ZPBP2: variants seen among roughly 807,000 people sequenced by gnomAD.
The protein encoded by ZPBP2 is zona pellucida-binding protein 2.
ZPBP2 carries 34 observed loss-of-function variants against 37.5 expected under a neutral mutation model. The ratio of observed to expected loss-of-function variants is 0.91; its 90% CI spans 0.69 to 1.21. The LOEUF (loss-of-function observed/expected upper bound fraction) is 1.21. Ranked by LOEUF, ZPBP2 falls within the 50% of genes most tolerant of loss-of-function variation. The pLI is 0.00. For synonymous variants in ZPBP2, 143 were observed against 138.4 expected (o/e 1.03, Z -0.23); for missense variants, 397 against 413.5 (o/e 0.96, Z 0.35).
intron 6 of ZPBP2, among the ~76,000 whole-genome samples, chr17:39,873,858 G>T (rs1253532316): frequency 6.6e-6 from 1 of 151,798 alleles, no homozygotes; most frequent in Non-Finnish European, 1.5e-5. Context: ...CTGAGCTCAT[G>T]TCCTTAATTG....
rs1289847442 is a variant in ZPBP2 at position 39,871,513 on chromosome 17, T to C, written c.294T>C (p.Asp98=). 3 of 1,606,744 alleles carry C rather than the reference T, an allele frequency of 1.9e-6. No homozygotes were observed. The highest frequency in any genetic ancestry group is 3.4e-5 in the Admixed American group (2 of 59,068). ...ITETGQLMVK[D]FLEPLSGLYT... is the part of the protein sequence containing the mutation. ...AAACTGGACAGCTGATGGTGAAAGA[T>C]TTTTTGGAGCCTTTGTCTGGACTTT... Residue 98 remains aspartate, a synonymous_variant, in exon 4 of 8, where the codon GAT becomes GAC. Transcript: ENST00000348931.
Position 39,871,579 on chromosome 17 carries a change from T to A in ZPBP2, c.360T>A (p.Thr120=). The A allele has an allele frequency of 6.3e-7, 1 of 1,597,442 alleles. No homozygotes were observed. The highest frequency in any genetic ancestry group is 1.8e-5 in the Admixed American group (1 of 56,896). ...CTTATAAGACTGTTAAAGCAGAAAC[T>A]CAAGAAGAAAAAACAGTCAAAAAGA... The part of the protein sequence containing the change: ...TLSYKTVKAE[T]QEEKTVKKRY... Residue 120 remains threonine, a synonymous_variant, in exon 4 of 8, where the codon ACT becomes ACA. Transcript: ENST00000348931.
chr17:39,870,546 C>T (rs2063360033), intron 2 of ZPBP2, 148 bp from the exon 3 acceptor site: 4 of 412,432 alleles, frequency 9.7e-6, no homozygotes, highest in Non-Finnish European at 1.2e-5. Context: ...GGACTTCAGA[C>T]GAGCGTTCTA....
chr17:39,872,676 A>G (rs2063370943), intron 5 of ZPBP2, among the ~76,000 whole-genome samples, 188 bp downstream of exon 5: 1 of 152,214 alleles, frequency 6.6e-6, no homozygotes, highest in African/African-American at 2.4e-5. Flanking sequence ...TTACTTTCAA[A>G]TATGACATAT....
Position 39,876,799 on chromosome 17 carries a change from A to G in ZPBP2, c.1007A>G (p.Tyr336Cys). Residue 336 changes from tyrosine (Y) to cysteine (C), a missense_variant, in exon 8 of 8, where the codon TAT (tyrosine) becomes TGT (cysteine). Physicochemically the swap from Tyr to Cys is radical, Grantham distance 194. Transcript: ENST00000348931. The stretch of plus-strand genomic sequence containing the variant: ...CAAACTTCAAACAAAAATCAGCAAT[A>G]TGAAGATTAGAGGTGAAAGCATTGT... The part of the protein sequence containing the change: ...CPQTSNKNQQ[Y>C]ED The G allele has an allele frequency of 6.2e-7, 1 of 1,613,672 alleles. No individual in the cohort carries two copies. The highest frequency in any genetic ancestry group is 1.1e-5 in the South Asian group (1 of 91,068).
chr17:39,872,305 G>T lies in ZPBP2; in HGVS notation c.442G>T (p.Val148Leu), dbSNP rs1340915756. 1 of 1,609,238 alleles carries T rather than the reference G, an allele frequency of 6.2e-7. No homozygotes were observed. Among genetic ancestry groups the T allele is most frequent in the Admixed American group, 1.7e-5 (1 of 59,402 alleles). Residue 148 changes from valine to leucine, a missense_variant, in exon 5 of 8, where the codon GTA becomes TTA. Val to Leu is a conservative substitution (Grantham distance 32, BLOSUM62 1). Transcript: ENST00000348931. ...ACCTGATTATTCATATCAGATGGCT[G>T]TACGTTTTACCACAAGGTCTTGTAT... ...REPDYSYQMA[V>L]RFTTRSCIGR...
intron 3 of ZPBP2, among the ~76,000 whole-genome samples, 163 bp downstream of exon 3, chr17:39,870,982 C>G (rs920045426): frequency 1.3e-4 from 20 of 152,044 alleles, no homozygotes; most frequent in African/African-American, 4.6e-4. Context: ...TCCTTATTTT[C>G]TCCTTATGCA....
At chr17:39,873,949 T>G in intron 6 of ZPBP2, among the ~76,000 whole-genome samples, 1 of 151,442 alleles carries the variant, frequency 6.6e-6, no homozygotes, top group South Asian at 2.1e-4. Flanking sequence ...AAAATTTACA[T>G]CATCGGTTTA....
intron 7 of ZPBP2, among the ~76,000 whole-genome samples, chr17:39,876,297 C>CTA (rs1039715727): frequency 6.6e-6 from 1 of 152,034 alleles, no homozygotes; most frequent in African/African-American, 2.4e-5. Flanking sequence ...ATAAACATTT[C>CTA]TATAATGTTC....
At position 39,873,204 on chromosome 17, in the gene ZPBP2, A is replaced by T. The variant is rs2063373639; in HGVS notation, c.708+78A>T. 47 of 1,353,964 alleles carry T rather than the reference A, an allele frequency of 3.5e-5. No individual in the cohort carries two copies. In the South Asian group the frequency reaches 6.4e-4, roughly 18 times the overall value. 83.9% of individuals were successfully genotyped at this position (1,353,964 alleles called of 1,614,324 possible). ...CAGGGTGTCACCCAGGCTGGAGTGC[A>T]GTGGTGCGACCATAGCTCACTGCAG... On this transcript the variant is annotated intron_variant, in intron 6 of 7. Transcript: ENST00000348931.
chr17:39,869,489 C>T (rs1465202237), intron 2 of ZPBP2, among the ~76,000 whole-genome samples: 2 of 149,900 alleles, frequency 1.3e-5, no homozygotes, highest in Admixed American at 6.7e-5. Flanking sequence ...ACTGGAACCT[C>T]CGCCTCCTGG....
chr17:39,874,240 A>T (rs1429884908), intron 6 of ZPBP2, among the ~76,000 whole-genome samples: 1 of 152,024 alleles, frequency 6.6e-6, no homozygotes, highest in Non-Finnish European at 1.5e-5. Flanking sequence ...TCATCTGCAC[A>T]TATCTGCCTC....
Position 39,868,316 on chromosome 17 carries a change from C to A in ZPBP2, c.-39C>A. 1 of 1,600,930 alleles carries A rather than the reference C, an allele frequency of 6.2e-7. No homozygotes were observed. The highest frequency in any genetic ancestry group is 1.1e-5 in the South Asian group (1 of 90,630). On this transcript the variant is annotated 5_prime_UTR_variant, in exon 1 of 8. The change creates a new upstream start codon in the 5' untranslated region. Transcript: ENST00000348931. The stretch of plus-strand genomic sequence containing the variant: ...GGCCAGGGCTGAGGTAGGAGGGAGT[C>A]TGTCCCTCGACGCCTCCTGCGACGC...
intron 2 of ZPBP2, 54 bp from the exon 3 acceptor site, chr17:39,870,640 C>A: frequency 9.2e-7 from 1 of 1,090,776 alleles, no homozygotes; most frequent in Non-Finnish European, 1.2e-6. Flanking sequence ...GAGTATATTT[C>A]TTAATTTAAT....
At chr17:39,876,645 T>C in intron 7 of ZPBP2, 37 bp from the exon 8 acceptor site, 6 of 1,608,858 alleles carry the variant, frequency 3.7e-6, no homozygotes, top group Non-Finnish European at 5.1e-6. Flanking sequence ...ATAAAATATC[T>C]CTAAATTATA....
chr17:39,875,459 A>G, intron 7 of ZPBP2, 25 bp downstream of exon 7: 1 of 1,531,936 alleles, frequency 6.5e-7, no homozygotes, highest in Non-Finnish European at 8.8e-7. Context: ...TAAATATCTA[A>G]ACATTTAGGT....
chr17:39,874,960 A>G (rs2063382537), intron 6 of ZPBP2, among the ~76,000 whole-genome samples: 1 of 152,020 alleles, frequency 6.6e-6, no homozygotes, highest in African/African-American at 2.4e-5. Context: ...CATGTTGGCC[A>G]GGATGGTCTC....
At chr17:39,872,611 A>C (rs1387388702) in intron 5 of ZPBP2, 123 bp downstream of exon 5, 7 of 662,350 alleles carry the variant, frequency 1.1e-5, no homozygotes, top group African/African-American at 1.9e-5. Context: ...TAAGCACTAA[A>C]GTATGTAGTT....
chr17:39,874,666 C>T (rs1043508506), intron 6 of ZPBP2, among the ~76,000 whole-genome samples: 1 of 151,930 alleles, frequency 6.6e-6, no homozygotes, highest in Non-Finnish European at 1.5e-5. Context: ...CTCGTGGCCT[C>T]AAGTGATCCG....
Sources: allele counts gnomAD v4.1 joint callset (sites outside exome capture counted in the v4.1 genomes callset), GRCh38; gene constraint gnomAD v4.1.1; transcripts MANE v1.5; gene names NCBI Gene and HGNC (gene_info 2026-07-23, HGNC 2026-07-21).